The following IL1RAPL1 variants were observed in gnomAD, a reference collection of about 807,000 sequenced individuals.
IL1RAPL1 encodes the protein interleukin 1 receptor accessory protein like 1, also known as interleukin-1 receptor accessory protein-like 1.
A neutral mutation model predicts 48.4 loss-of-function variants in IL1RAPL1; 3 were observed. That is an observed-to-expected ratio of 0.06 (90% CI 0.03 to 0.16). The LOEUF (loss-of-function observed/expected upper bound fraction) is 0.16, where lower values mean the gene tolerates loss of function less well. Among genes scored for constraint, IL1RAPL1 ranks in the 10% least tolerant of loss-of-function variants. The pLI is 1.00. For missense variants in IL1RAPL1, 349 were observed against 530.6 expected (o/e 0.66, Z 3.36); for synonymous variants, 185 against 187.7 (o/e 0.99, Z 0.12).
intron 5 of IL1RAPL1, among the ~76,000 whole-genome samples, chrX:29,495,312 A>C (rs181778613): frequency 8.9e-5 from 10 of 112,101 alleles, no homozygotes; most frequent in Admixed American, 6.6e-4. Flanking sequence ...AAATAGGTGA[A>C]TGCTCAGGTA....
At chrX:29,465,378 C>T (rs1037654411) in intron 5 of IL1RAPL1, among the ~76,000 whole-genome samples, 2 of 111,834 alleles carry the variant, frequency 1.8e-5, no homozygotes, top group African/African-American at 3.3e-5. Context: ...TGCACTCCAG[C>T]CTGGGTAACA....
chrX:29,491,487 G>A (rs1336591981), intron 5 of IL1RAPL1, among the ~76,000 whole-genome samples: 4 of 111,910 alleles, frequency 3.6e-5, no homozygotes, highest in African/African-American at 1.3e-4. Context: ...ATTGATGAAT[G>A]CAAATAATCA....
At chrX:28,631,201 G>A (rs1934397185) in intron 1 of IL1RAPL1, among the ~76,000 whole-genome samples, 1 of 111,587 alleles carries the variant, frequency 9.0e-6, no homozygotes, top group South Asian at 3.8e-4. Flanking sequence ...GTCACAGGCT[G>A]CCCCACACAT....
At chrX:28,889,183 TATA>T (rs1922713735) in intron 2 of IL1RAPL1, among the ~76,000 whole-genome samples, 1 of 111,720 alleles carries the variant, frequency 9.0e-6, no homozygotes, top group African/African-American at 3.2e-5. Context: ...CTACTAAGAA[TATA>T]ATATTAGGAT....
chrX:29,438,956 G>T (rs139072298), intron 5 of IL1RAPL1, among the ~76,000 whole-genome samples: 1 of 110,555 alleles, frequency 9.0e-6, no homozygotes, highest in Admixed American at 9.7e-5. Context: ...TACACAGTTG[G>T]TGCTTATGAA....
At chrX:28,812,817 T>C (rs772442345) in intron 2 of IL1RAPL1, among the ~76,000 whole-genome samples, 4 of 110,615 alleles carry the variant, frequency 3.6e-5, no homozygotes, top group Non-Finnish European at 7.6e-5. Context: ...AAAATCTCTG[T>C]TAAACGCTGT....
chrX:29,722,066 T>C (rs1927650013), intron 6 of IL1RAPL1, among the ~76,000 whole-genome samples: 1 of 111,700 alleles, frequency 9.0e-6, no homozygotes, highest in African/African-American at 3.2e-5. Flanking sequence ...GCACCTTCTT[T>C]TTTATTGTAT....
intron 1 of IL1RAPL1, among the ~76,000 whole-genome samples, chrX:28,669,707 T>C (rs1170566756): frequency 1.9e-5 from 2 of 104,647 alleles, no homozygotes; most frequent in Non-Finnish European, 3.9e-5. Context: ...ATAAATTATA[T>C]ATAATTATAT....
At chrX:29,088,931 A>G (rs910445287) in intron 2 of IL1RAPL1, among the ~76,000 whole-genome samples, 2 of 111,475 alleles carry the variant, frequency 1.8e-5, no homozygotes, top group African/African-American at 6.5e-5. Flanking sequence ...ATTAGTCTCT[A>G]CAGACTTAAC....
chrX:29,491,165 C>T (rs1025629323), intron 5 of IL1RAPL1, among the ~76,000 whole-genome samples: 1 of 111,397 alleles, frequency 9.0e-6, no homozygotes, highest in Non-Finnish European at 1.9e-5. Flanking sequence ...ATGCCTTTAG[C>T]AATTTGAAGT....
At chrX:28,711,527 G>A (rs1044169855) in intron 1 of IL1RAPL1, among the ~76,000 whole-genome samples, 1 of 109,991 alleles carries the variant, frequency 9.1e-6, no homozygotes, top group Non-Finnish European at 1.9e-5. Context: ...CTGTGAGACT[G>A]GATGAGGTCA....
intron 2 of IL1RAPL1, among the ~76,000 whole-genome samples, chrX:29,146,142 C>T (rs1929345867): frequency 8.9e-6 from 1 of 111,929 alleles, no homozygotes; most frequent in Admixed American, 9.5e-5. Context: ...AAGACTTGAC[C>T]TGGCCTGACC....
intron 1 of IL1RAPL1, among the ~76,000 whole-genome samples, chrX:28,632,525 T>A (rs1409803496): frequency 8.9e-6 from 1 of 111,871 alleles, no homozygotes; most frequent in Non-Finnish European, 1.9e-5. Flanking sequence ...AACTTTTTAG[T>A]CTCAGGATTC....
intron 1 of IL1RAPL1, among the ~76,000 whole-genome samples, chrX:28,651,365 T>C (rs1192339442): frequency 8.9e-6 from 1 of 112,488 alleles, no homozygotes; most frequent in Non-Finnish European, 1.9e-5. Context: ...ATATTGTTAA[T>C]GGCTGCTTTT....
chrX:28,684,053 C>T (rs1935088115), intron 1 of IL1RAPL1, among the ~76,000 whole-genome samples: 1 of 112,223 alleles, frequency 8.9e-6, no homozygotes. Context: ...GGACATTGTT[C>T]TGTTTACCAT....
intron 1 of IL1RAPL1, among the ~76,000 whole-genome samples, chrX:28,733,379 G>A (rs1272623999): frequency 3.6e-5 from 4 of 110,180 alleles, no homozygotes; most frequent in African/African-American, 9.9e-5. Context: ...CAGAAGAGTT[G>A]CCTGTGCTTG....
At chrX:29,386,922 T>A (rs1176451182) in intron 3 of IL1RAPL1, among the ~76,000 whole-genome samples, 3 of 112,376 alleles carry the variant, frequency 2.7e-5, no homozygotes, top group Non-Finnish European at 5.6e-5. Flanking sequence ...TAGTCTTATA[T>A]TACATTGCAT....
rs762456633 is a variant in IL1RAPL1, at chrX:28,587,667, T to A, written c.-405T>A. On this transcript the variant is annotated 5_prime_UTR_variant, in exon 1 of 11. Coordinates refer to ENST00000378993, the MANE Select transcript of IL1RAPL1 (RefSeq NM_014271.4). Reference sequence around the variant, plus strand: ...TCGGCTTTTTTCCTTCCTTATTTTTTAAGAATTATTCTTATTTTCCCCTCT... The same window carrying A: ...TCGGCTTTTTTCCTTCCTTATTTTTAAAGAATTATTCTTATTTTCCCCTCT... 4 of 110,700 alleles carry A rather than the reference T, an allele frequency of 3.6e-5. No individual in the cohort carries two copies. Among genetic ancestry groups the A allele is most frequent in the Non-Finnish European group, 5.7e-5 (3 of 52,981 alleles). 9.1% of individuals were successfully genotyped at this position (110,700 alleles called of 1,213,427 possible).
intron 6 of IL1RAPL1, among the ~76,000 whole-genome samples, chrX:29,724,722 A>C (rs1004665077): frequency 8.9e-6 from 1 of 111,875 alleles, no homozygotes; most frequent in African/African-American, 3.3e-5. Flanking sequence ...TAATACCTAG[A>C]GCCTCCACTT....
Sources: allele counts gnomAD v4.1 joint callset (sites outside exome capture counted in the v4.1 genomes callset), GRCh38; gene constraint gnomAD v4.1.1; transcripts MANE v1.5; gene names NCBI Gene and HGNC (gene_info 2026-07-23, HGNC 2026-07-21).